CNTNAP2: variants seen among roughly 807,000 people sequenced by gnomAD.
CNTNAP2 encodes the protein contactin-associated protein-like 2.
CNTNAP2 carries 98 observed loss-of-function variants against 155.2 expected under a neutral mutation model. The ratio of observed to expected loss-of-function variants is 0.63; its 90% CI spans 0.54 to 0.75. CNTNAP2 has a LOEUF of 0.75. CNTNAP2 is among the 30% of genes least tolerant of loss of function. CNTNAP2 has a pLI of 0.00. For missense variants in CNTNAP2, 1,727 were observed against 1,688.1 expected, an observed-to-expected ratio of 1.02 and a Z score of -0.40; for synonymous variants, 651 against 631.2, an observed-to-expected ratio of 1.03 and a Z score of -0.47.
At chr7:148,074,465 T>C (rs928562624) in intron 15 of CNTNAP2, among the ~76,000 whole-genome samples, 1 of 151,868 alleles carries the variant, frequency 6.6e-6, no homozygotes, top group Non-Finnish European at 1.5e-5. Flanking sequence ...CCGAGGCGGG[T>C]TGATCACTTG....
intron 1 of CNTNAP2, among the ~76,000 whole-genome samples, chr7:146,550,570 C>A (rs564023985): frequency 1.3e-5 from 2 of 151,668 alleles, no homozygotes; most frequent in East Asian, 3.9e-4. Context: ...CTATTTTTCC[C>A]TTTCCTTTTT....
At chr7:147,726,638 A>G (rs1158375093) in intron 13 of CNTNAP2, among the ~76,000 whole-genome samples, 1 of 151,880 alleles carries the variant, frequency 6.6e-6, no homozygotes. Flanking sequence ...CAATGCTCCT[A>G]TAAATCCTTA....
At chr7:148,331,226 G>C (rs1463979881) in intron 21 of CNTNAP2, among the ~76,000 whole-genome samples, 1 of 141,794 alleles carries the variant, frequency 7.1e-6, no homozygotes, top group African/African-American at 2.7e-5. Context: ...TGGATGGATG[G>C]AGTGGATGGA....
chr7:147,113,732 C>T (rs184635067), intron 5 of CNTNAP2, among the ~76,000 whole-genome samples: 187 of 152,254 alleles, frequency 1.2e-3, no homozygotes, highest in African/African-American at 4.3e-3. Flanking sequence ...TGGGTGGGAA[C>T]ACAGAGCCAG....
chr7:146,773,569 A>C (rs986597037), intron 1 of CNTNAP2, among the ~76,000 whole-genome samples: 5 of 151,988 alleles, frequency 3.3e-5, no homozygotes, highest in Non-Finnish European at 5.9e-5. Flanking sequence ...TTAATTTATC[A>C]TTTTTAGTAG....
chr7:147,547,697 G>T (rs1233674881), intron 11 of CNTNAP2, among the ~76,000 whole-genome samples: 2 of 151,728 alleles, frequency 1.3e-5, no homozygotes, highest in East Asian at 3.9e-4. Context: ...TGTTACATAG[G>T]TCTACGTGTG....
chr7:146,340,168 CAAAAAAAA>C (rs1195946572), intron 1 of CNTNAP2, among the ~76,000 whole-genome samples: 1 of 54,894 alleles, frequency 1.8e-5, no homozygotes, highest in Non-Finnish European at 4.0e-5. Flanking sequence ...GACTCCGCCT[CAAAAAAAA>C]AAAAAAAAAA....
intron 4 of CNTNAP2, among the ~76,000 whole-genome samples, chr7:147,078,714 T>C (rs978212912): frequency 2.6e-5 from 4 of 152,086 alleles, no homozygotes; most frequent in East Asian, 1.9e-4. Context: ...TCTAGTCTAA[T>C]TTCTAATATT....
intron 14 of CNTNAP2, among the ~76,000 whole-genome samples, chr7:147,959,023 G>T (rs1197162456): frequency 1.3e-5 from 2 of 152,142 alleles, no homozygotes; most frequent in South Asian, 4.1e-4. Flanking sequence ...TTATTAAACT[G>T]TGATTCTGAA....
intron 1 of CNTNAP2, among the ~76,000 whole-genome samples, chr7:146,267,130 A>G (rs1800006174): frequency 6.6e-6 from 1 of 152,184 alleles, no homozygotes; most frequent in African/African-American, 2.4e-5. Flanking sequence ...GAAGATGTCC[A>G]TGTCTGATAC....
At chr7:146,368,459 G>A (rs549435509) in intron 1 of CNTNAP2, among the ~76,000 whole-genome samples, 49 of 152,190 alleles carry the variant, frequency 3.2e-4, no homozygotes, top group African/African-American at 1.2e-3. Context: ...GGTACCACAA[G>A]GTCTAGTGTT....
chr7:147,986,470 C>A (rs1390907593), intron 15 of CNTNAP2, among the ~76,000 whole-genome samples: 1 of 152,080 alleles, frequency 6.6e-6, no homozygotes, highest in Non-Finnish European at 1.5e-5. Context: ...CAAAACAAGA[C>A]CAAGAATCAC....
chr7:147,300,872 C>T (rs913430417), intron 9 of CNTNAP2, among the ~76,000 whole-genome samples: 6 of 151,810 alleles, frequency 4.0e-5, no homozygotes, highest in African/African-American at 1.5e-4. Flanking sequence ...TAGCCTCTCC[C>T]GGGGGTCACT....
At chr7:147,730,682 AG>A in intron 13 of CNTNAP2, among the ~76,000 whole-genome samples, 1 of 152,144 alleles carries the variant, frequency 6.6e-6, no homozygotes, top group Non-Finnish European at 1.5e-5. Flanking sequence ...TAAGTGTTCA[AG>A]TGAAAAAAAG....
At chr7:146,679,639 G>A (rs1409883373) in intron 1 of CNTNAP2, among the ~76,000 whole-genome samples, 1 of 152,080 alleles carries the variant, frequency 6.6e-6, no homozygotes, top group African/African-American at 2.4e-5. Flanking sequence ...ACAGGCGTGA[G>A]CCACCGTGCC....
At chr7:147,455,744 T>C (rs1245677162) in intron 10 of CNTNAP2, among the ~76,000 whole-genome samples, 1 of 152,026 alleles carries the variant, frequency 6.6e-6, no homozygotes, top group African/African-American at 2.4e-5. Flanking sequence ...CTCAGACCAC[T>C]CTCACCAGAG....
intron 13 of CNTNAP2, among the ~76,000 whole-genome samples, chr7:147,648,381 A>G (rs1195211613): frequency 1.3e-5 from 2 of 152,228 alleles, no homozygotes; most frequent in Non-Finnish European, 2.9e-5. Context: ...TTAACTCTCA[A>G]AGTTACGCAA....
At chr7:147,881,323 G>A (rs1159800438) in intron 13 of CNTNAP2, among the ~76,000 whole-genome samples, 1 of 152,186 alleles carries the variant, frequency 6.6e-6, no homozygotes, top group African/African-American at 2.4e-5. Context: ...GAGAGAGAGT[G>A]GGACTAGACT....
At chr7:146,969,633 C>A (rs1195785496) in intron 3 of CNTNAP2, among the ~76,000 whole-genome samples, 1 of 132,570 alleles carries the variant, frequency 7.5e-6, no homozygotes, top group Non-Finnish European at 1.7e-5. Flanking sequence ...AGGATTGCAA[C>A]CCCTGCCTTT....
Sources: allele counts gnomAD v4.1 joint callset (sites outside exome capture counted in the v4.1 genomes callset), GRCh38; gene constraint gnomAD v4.1.1; transcripts MANE v1.5; gene names NCBI Gene and HGNC (gene_info 2026-07-23, HGNC 2026-07-21).